The following TNFRSF10A variants were observed in gnomAD, a reference collection of about 807,000 sequenced individuals.
The protein encoded by TNFRSF10A is tumor necrosis factor receptor superfamily member 10A.
In TNFRSF10A, 44 loss-of-function variants were observed where a neutral mutation model predicts 42.8. The ratio of observed to expected loss-of-function variants is 1.03; its 90% confidence interval spans 0.81 to 1.32. The LOEUF (loss-of-function observed/expected upper bound fraction) is 1.32. TNFRSF10A is among the 40% of genes most tolerant of loss of function. TNFRSF10A has a pLI of 0.00. For missense variants in TNFRSF10A, 680 were observed against 602.0 expected, an observed-to-expected ratio of 1.13 and a Z score of -1.36; for synonymous variants, 259 against 234.2, an observed-to-expected ratio of 1.11 and a Z score of -0.97.
intron 4 of TNFRSF10A, among the ~76,000 whole-genome samples, chr8:23,201,500 C>T (rs945512415): frequency 7.9e-5 from 12 of 152,030 alleles, no homozygotes; most frequent in African/African-American, 2.9e-4. Context: ...TTTCATGTAC[C>T]TCTGTTGTGG....
chr8:23,204,028 C>T (rs888176613), intron 2 of TNFRSF10A, among the ~76,000 whole-genome samples: 4 of 152,118 alleles, frequency 2.6e-5, no homozygotes, highest in South Asian at 4.1e-4. Context: ...CCACCTGCCT[C>T]GGCCTCCCAA....
At chr8:23,222,637 G>T (rs1801272427) in intron 1 of TNFRSF10A, among the ~76,000 whole-genome samples, 1 of 152,196 alleles carries the variant, frequency 6.6e-6, no homozygotes, top group Non-Finnish European at 1.5e-5. Flanking sequence ...CTGTGGGATG[G>T]CAGAAGGCCT....
intron 1 of TNFRSF10A, among the ~76,000 whole-genome samples, chr8:23,222,495 A>G (rs1234895964): frequency 6.6e-6 from 1 of 152,246 alleles, no homozygotes; most frequent in African/African-American, 2.4e-5. Context: ...TGATGCTGTT[A>G]AAAAGAATGA....
At chr8:23,214,264 G>C (rs946761433) in intron 1 of TNFRSF10A, among the ~76,000 whole-genome samples, 5 of 152,156 alleles carry the variant, frequency 3.3e-5, no homozygotes, top group Admixed American at 2.0e-4. Context: ...GAGGCAGGCA[G>C]ATCACGAAGT....
chr8:23,203,465 C>A (rs1216253063), intron 2 of TNFRSF10A, among the ~76,000 whole-genome samples: 6 of 152,242 alleles, frequency 3.9e-5, no homozygotes, highest in Non-Finnish European at 8.8e-5. Flanking sequence ...CCCTGGATTG[C>A]AGAGGGTCTC....
At chr8:23,214,304 G>T (rs190595599) in intron 1 of TNFRSF10A, among the ~76,000 whole-genome samples, 14 of 152,112 alleles carry the variant, frequency 9.2e-5, no homozygotes, top group Middle Eastern at 3.4e-3. Context: ...TGGCTAACAC[G>T]GTGAAAACCC....
At chr8:23,214,303 C>T (rs1288978380) in intron 1 of TNFRSF10A, among the ~76,000 whole-genome samples, 7 of 152,012 alleles carry the variant, frequency 4.6e-5, no homozygotes, top group African/African-American at 1.2e-4. Flanking sequence ...CTGGCTAACA[C>T]GGTGAAAACC....
intron 2 of TNFRSF10A, among the ~76,000 whole-genome samples, chr8:23,211,683 T>C (rs1310453717): frequency 6.6e-6 from 1 of 152,186 alleles, no homozygotes; most frequent in Non-Finnish European, 1.5e-5. Flanking sequence ...AGGACAGATA[T>C]AGATCAATGG....
intron 2 of TNFRSF10A, chr8:23,207,301 A>C (rs1585283921): frequency 1.3e-5 from 8 of 600,764 alleles, no homozygotes; most frequent in South Asian, 1.1e-4. Context: ...TGGAGAGAAG[A>C]AGGCATATGT....
At chr8:23,215,179 T>G (rs1425980714) in intron 1 of TNFRSF10A, among the ~76,000 whole-genome samples, 1 of 151,538 alleles carries the variant, frequency 6.6e-6, no homozygotes, top group African/African-American at 2.5e-5. Context: ...GCATCTTTTC[T>G]GTAATTGGGA....
intron 2 of TNFRSF10A, 22 bp from the exon 3 acceptor site, chr8:23,202,783 A>G: frequency 1.3e-6 from 2 of 1,548,502 alleles, no homozygotes; most frequent in Non-Finnish European, 1.8e-6. Flanking sequence ...GAGAAAAGCC[A>G]ATGAATGAAT....
chr8:23,198,499 T>A (rs116501731), intron 8 of TNFRSF10A, among the ~76,000 whole-genome samples: 3 of 152,072 alleles, frequency 2.0e-5, no homozygotes, highest in Admixed American at 6.5e-5. Context: ...AGAAAAAGCA[T>A]GAGTAGGAGA....
In TNFRSF10A at chr8:23,191,631, A is replaced by C; in HGVS notation, c.*63T>G. 6.8e-7 allele frequency: 1 copy of C among 1,471,342 alleles called. No individual in the cohort carries two copies. Among genetic ancestry groups the C allele is most frequent in the Non-Finnish European group, 8.9e-7 (1 of 1,118,312 alleles). The allele number at this position is 1,471,342 out of a possible 1,614,324, so 91.1% of individuals were successfully genotyped here. The stretch of plus-strand genomic sequence containing the variant: ...TTACTTTGTATACATGTTAAAAAAA[A>C]AAAAAACCTAATATGTATTAACTCC... On this transcript the variant is annotated 3_prime_UTR_variant, in exon 10 of 10. Transcript: ENST00000221132.
At chr8:23,218,122 T>C (rs1801209993) in intron 1 of TNFRSF10A, among the ~76,000 whole-genome samples, 1 of 151,918 alleles carries the variant, frequency 6.6e-6, no homozygotes, top group African/African-American at 2.4e-5. Context: ...GTTCACAGAT[T>C]TGGGCTCATG....
chr8:23,206,190 A>T (rs1047087651), intron 2 of TNFRSF10A, among the ~76,000 whole-genome samples: 3 of 152,220 alleles, frequency 2.0e-5, no homozygotes, highest in Non-Finnish European at 4.4e-5. Context: ...AAAGTTTTAA[A>T]AATTAAAAAG....
intron 1 of TNFRSF10A, among the ~76,000 whole-genome samples, chr8:23,216,999 T>C (rs1012172686): frequency 3.3e-5 from 5 of 152,210 alleles, no homozygotes; most frequent in African/African-American, 9.7e-5. Context: ...GAATCTCCCA[T>C]AGATGTTGCA....
At position 23,225,065 on chromosome 8, in the gene TNFRSF10A, G is replaced by T. The variant is rs374571687; in HGVS notation, c.-4C>A. 2 of 1,511,030 alleles carry T rather than the reference G, an allele frequency of 1.3e-6. No individual in the cohort carries two copies. The highest frequency in any genetic ancestry group is 1.8e-6 in the Non-Finnish European group (2 of 1,131,000). 93.6% of individuals were successfully genotyped at this position (1,511,030 alleles called of 1,614,324 possible). A position where few individuals can be genotyped will look rare whatever the true frequency, so the allele number is the denominator to read the frequency against. Reference sequence around the variant, plus strand: ...CTCTAGCTGGTGGTGGCGCCATCCTGCCAGGTCAATCCAAGAAGCAGCGTG... The same window carrying T: ...CTCTAGCTGGTGGTGGCGCCATCCTTCCAGGTCAATCCAAGAAGCAGCGTG... On this transcript the variant is annotated 5_prime_UTR_variant, in exon 1 of 10. Coordinates refer to ENST00000221132, the MANE Select transcript of TNFRSF10A (RefSeq NM_003844.4).
intron 2 of TNFRSF10A, among the ~76,000 whole-genome samples, chr8:23,210,291 C>T (rs1380331769): frequency 6.6e-6 from 1 of 152,150 alleles, no homozygotes; most frequent in Non-Finnish European, 1.5e-5. Flanking sequence ...CAGAAAAGGA[C>T]CTCATAAAGA....
In TNFRSF10A at chr8:23,224,897, G is replaced by C; in HGVS notation, c.165C>G (p.Leu55=). 6.3e-7 allele frequency: 1 copy of C among 1,593,416 alleles called. No individual in the cohort carries two copies. Reference sequence around the variant, plus strand: ...GTCCGTGCTGTCCCATGGAGGTAGGGAGCGCTCCTCGGCCCCCGCCTCGTG... The same window carrying C: ...GTCCGTGCTGTCCCATGGAGGTAGGCAGCGCTCCTCGGCCCCCGCCTCGTG... The part of the protein sequence containing the change: ...IEPRGGGRGA[L]PTSMGQHGPS... Residue 55 remains leucine (L), a synonymous_variant, in exon 1 of 10, where the codon CTC becomes CTG. Coordinates refer to ENST00000221132, the MANE Select transcript of TNFRSF10A (RefSeq NM_003844.4).
Sources: gnomAD v4.1 joint callset for allele counts (sites outside exome capture counted in the v4.1 genomes callset) on GRCh38, gnomAD v4.1.1 for gene constraint, MANE v1.5 for transcripts, NCBI Gene and HGNC (gene_info 2026-07-23, HGNC 2026-07-21) for gene names.